The following L3MBTL3 variants were observed in gnomAD, a reference collection of about 807,000 sequenced individuals.
L3MBTL3 encodes the protein L3MBTL histone methyl-lysine binding protein 3, also known as lethal(3)malignant brain tumor-like protein 3.
Under a neutral mutation model 102.3 loss-of-function variants are expected in L3MBTL3, and 27 were observed. The ratio of observed to expected loss-of-function variants is 0.26; its 90% CI spans 0.19 to 0.36. L3MBTL3 has a LOEUF of 0.36. Among genes scored for constraint, L3MBTL3 ranks in the 10% least tolerant of loss-of-function variants. The pLI is 1.00. For missense variants in L3MBTL3, 798 were observed against 955.3 expected (o/e 0.84, Z 2.17); for synonymous variants, 340 against 320.9 (o/e 1.06, Z -0.64).
At chr6:130,028,717 GTGTT>G (rs1373027493) in intron 2 of L3MBTL3, among the ~76,000 whole-genome samples, 1 of 152,222 alleles carries the variant, frequency 6.6e-6, no homozygotes, top group East Asian at 1.9e-4. Context: ...ATAGCAATGT[GTGTT>G]TGTTGAGAGA....
Position 130,140,688 on chromosome 6 carries a change from T to TAA in L3MBTL3, c.*936_*937dup, listed in dbSNP as rs1355416736. The TAA allele has an allele frequency of 2.6e-5, 4 of 152,214 alleles. No individual in the cohort carries two copies. Among genetic ancestry groups the TAA allele is most frequent in the African/African-American group, 9.6e-5 (4 of 41,456 alleles). The allele number at this position is 152,214 out of a possible 1,614,324, so 9.4% of individuals were successfully genotyped here. A position where few individuals can be genotyped will look rare whatever the true frequency, so the allele number is the denominator to read the frequency against. On this transcript the variant is annotated 3_prime_UTR_variant, in exon 23 of 23. Transcript: ENST00000361794. ...TGAAATTGTGGTGGTTTACAGAGAC[T>TAA]AAGAGCTCATTCTGTCAACAGAAAC...
In L3MBTL3 at chr6:130,140,196, G is replaced by T; in HGVS notation, c.*443G>T. The stretch of plus-strand genomic sequence containing the variant: ...ATTTAAACCAAATTAGTCGAAACCT[G>T]GCTAAGTTTAGCCAGTAGGACTGTT... On this transcript the variant is annotated 3_prime_UTR_variant, in exon 23 of 23. Coordinates refer to ENST00000361794, the MANE Select transcript of L3MBTL3 (RefSeq NM_032438.4). 6.3e-6 allele frequency: 1 copy of T among 159,466 alleles called. No individual in the cohort carries two copies. Among genetic ancestry groups the T allele is most frequent in the Non-Finnish European group, 1.4e-5 (1 of 72,902 alleles). The allele number at this position is 159,466 out of a possible 1,614,324, so 9.9% of individuals were successfully genotyped here.
rs1779066528 is a variant in L3MBTL3, at chr6:130,022,313, C to G, written c.-16+8C>G. 6.6e-6 allele frequency: 1 copy of G among 152,128 alleles called. No individual in the cohort carries two copies. The highest frequency in any genetic ancestry group is 2.4e-5 in the African/African-American group (1 of 41,416). 9.4% of individuals were successfully genotyped at this position (152,128 alleles called of 1,614,324 possible). A position where few individuals can be genotyped will look rare whatever the true frequency, so the allele number is the denominator to read the frequency against. ...TTTCATCACCGCCGAAAGGTAAGAC[C>G]CACTTGTTGAAATAAATTGCTTGAC... On this transcript the variant is annotated splice_region_variant and intron_variant, in intron 2 of 22. Coordinates refer to ENST00000361794, the MANE Select transcript of L3MBTL3 (RefSeq NM_032438.4).
intron 19 of L3MBTL3, among the ~76,000 whole-genome samples, chr6:130,120,078 A>C (rs1032644844): frequency 1.3e-5 from 2 of 152,204 alleles, no homozygotes; most frequent in Non-Finnish European, 2.9e-5. Context: ...CATCATAAAC[A>C]CAGAATACTA....
chr6:130,060,239 G>A, intron 10 of L3MBTL3, 99 bp downstream of exon 10: 1 of 673,394 alleles, frequency 1.5e-6, no homozygotes, highest in East Asian at 2.9e-5. Flanking sequence ...TGCCAGGCAT[G>A]GTGCTTACTG....
intron 19 of L3MBTL3, among the ~76,000 whole-genome samples, chr6:130,109,741 T>C (rs1385681180): frequency 1.3e-5 from 2 of 152,246 alleles, no homozygotes; most frequent in African/African-American, 4.8e-5. Context: ...TTGGCTTTTG[T>C]TGCAGTTGCT....
intron 9 of L3MBTL3, among the ~76,000 whole-genome samples, chr6:130,059,200 A>C (rs938658098): frequency 8.5e-5 from 13 of 152,170 alleles, no homozygotes; most frequent in Admixed American, 3.3e-4. Flanking sequence ...CAGGCACCAG[A>C]TTTGCCTCTC....
chr6:130,068,772 G>A (rs112590566), intron 12 of L3MBTL3, among the ~76,000 whole-genome samples: 31 of 152,252 alleles, frequency 2.0e-4, no homozygotes, highest in African/African-American at 6.7e-4. Flanking sequence ...GCCAGATGAA[G>A]GTAGCCCTGT....
At chr6:130,055,638 C>A in intron 8 of L3MBTL3, among the ~76,000 whole-genome samples, 1 of 82,322 alleles carries the variant, frequency 1.2e-5, no homozygotes, top group Non-Finnish European at 2.8e-5. Flanking sequence ...CTCCCTCCCT[C>A]CCTCCCTCTC....
chr6:130,081,441 C>T (rs554351783), intron 14 of L3MBTL3, among the ~76,000 whole-genome samples: 10 of 146,968 alleles, frequency 6.8e-5, no homozygotes, highest in South Asian at 6.4e-4. Context: ...TTTTTTGAGA[C>T]GGATTCTTGC....
At chr6:130,021,288 A>G (rs1333965987) in intron 1 of L3MBTL3, among the ~76,000 whole-genome samples, 1 of 152,190 alleles carries the variant, frequency 6.6e-6, no homozygotes, top group Non-Finnish European at 1.5e-5. Flanking sequence ...ACTCGTAGCT[A>G]CGTAGTCCGT....
intron 2 of L3MBTL3, among the ~76,000 whole-genome samples, chr6:130,029,979 A>G (rs1323349063): frequency 6.6e-6 from 1 of 152,022 alleles, no homozygotes; most frequent in African/African-American, 2.4e-5. Context: ...ATGCACCACC[A>G]CGCCCAACTA....
intron 2 of L3MBTL3, among the ~76,000 whole-genome samples, chr6:130,024,666 A>G (rs1188430969): frequency 6.6e-6 from 1 of 152,158 alleles, no homozygotes; most frequent in Admixed American, 6.5e-5. Context: ...CATCCCAAGG[A>G]TGGATAACTT....
intron 10 of L3MBTL3, among the ~76,000 whole-genome samples, chr6:130,064,493 A>G (rs1339799464): frequency 2.0e-5 from 3 of 152,182 alleles, no homozygotes; most frequent in Non-Finnish European, 2.9e-5. Flanking sequence ...AGGGTATTGG[A>G]TAAGTCATCC....
At chr6:130,108,878 C>T (rs990294129) in intron 19 of L3MBTL3, among the ~76,000 whole-genome samples, 2 of 151,988 alleles carry the variant, frequency 1.3e-5, no homozygotes, top group Non-Finnish European at 2.9e-5. Context: ...GCTGACAGGC[C>T]CCCGTGTGTG....
intron 2 of L3MBTL3, among the ~76,000 whole-genome samples, chr6:130,028,091 T>C (rs1779471219): frequency 6.6e-6 from 1 of 151,540 alleles, no homozygotes; most frequent in Non-Finnish European, 1.5e-5. Flanking sequence ...TTTTTTTTCT[T>C]GAAAGGCATT....
intron 22 of L3MBTL3, 42 bp from the exon 23 acceptor site, chr6:130,139,568 T>C: frequency 6.3e-7 from 1 of 1,584,830 alleles, no homozygotes; most frequent in Non-Finnish European, 8.7e-7. Flanking sequence ...CAACACTGCA[T>C]CTTGTTAATC....
intron 20 of L3MBTL3, among the ~76,000 whole-genome samples, chr6:130,126,526 C>T (rs1315156086): frequency 1.3e-5 from 2 of 152,114 alleles, no homozygotes; most frequent in Non-Finnish European, 2.9e-5. Flanking sequence ...TCTTGTTTCT[C>T]CTGAAACACC....
intron 20 of L3MBTL3, among the ~76,000 whole-genome samples, chr6:130,128,825 A>G (rs1786801206): frequency 6.6e-6 from 1 of 152,194 alleles, no homozygotes; most frequent in South Asian, 2.1e-4. Flanking sequence ...TGGTTTCTTT[A>G]GCATACCAGT....
Sources: allele counts gnomAD v4.1 joint callset (sites outside exome capture counted in the v4.1 genomes callset), GRCh38; gene constraint gnomAD v4.1.1; transcripts MANE v1.5; gene names NCBI Gene and HGNC (gene_info 2026-07-23, HGNC 2026-07-21).